The following ENTPD6 variants were observed in gnomAD, a reference collection of about 807,000 sequenced individuals.
The protein encoded by ENTPD6 is CD39 antigen-like 2.
Under a neutral mutation model 61.5 loss-of-function variants are expected in ENTPD6, and 46 were observed. That is an observed-to-expected ratio of 0.75 (90% CI 0.59 to 0.96). The LOEUF is 0.96. Among genes scored for constraint, ENTPD6 ranks in the 40% least tolerant of loss-of-function variants. ENTPD6 has a pLI of 0.00. For missense variants in ENTPD6, 612 were observed against 629.0 expected (o/e 0.97, Z 0.29); for synonymous variants, 252 against 255.5 (o/e 0.99, Z 0.13).
chr20:25,209,997 T>C, intron 4 of ENTPD6, 72 bp downstream of exon 4: 1 of 1,324,080 alleles, frequency 7.6e-7, no homozygotes. Flanking sequence ...CCTTTGAATG[T>C]GGTAGGCTGT....
Position 25,225,322 on chromosome 20 carries a change from G to C in ENTPD6, c.1356+5G>C. The C allele has an allele frequency of 6.2e-7, 1 of 1,612,566 alleles. No individual in the cohort carries two copies. The highest frequency in any genetic ancestry group is 1.3e-5 in the African/African-American group (1 of 75,000). ...CCCAGGAGCAAAGTGCTGAAGGTAAGGGTGCCCTCAGGTCACGCCCCAGCC... is the reference window on the plus strand; with the variant it reads ...CCCAGGAGCAAAGTGCTGAAGGTAACGGTGCCCTCAGGTCACGCCCCAGCC... On this transcript the variant is annotated splice_donor_5th_base_variant and intron_variant, in intron 14 of 14. Transcript: ENST00000376652.
At chr20:25,213,041 C>A (rs1012398451) in intron 4 of ENTPD6, among the ~76,000 whole-genome samples, 1 of 151,986 alleles carries the variant, frequency 6.6e-6, no homozygotes, top group Non-Finnish European at 1.5e-5. Context: ...TGGTGGCTCA[C>A]GCCCTTGTCC....
intron 13 of ENTPD6, 49 bp from the exon 14 acceptor site, chr20:25,225,156 C>A: frequency 1.3e-6 from 2 of 1,577,268 alleles, no homozygotes; most frequent in Non-Finnish European, 1.7e-6. Context: ...GCCCCTCCGC[C>A]CCCAGGTGGG....
rs2092814072 is a variant in ENTPD6, at chr20:25,227,324, C to G, written c.*1727C>G. ...GCGCCTTTACTTCCATAATATCCAC[C>G]AGCTTAAATATTTAAAGAACTCCGG... On this transcript the variant is annotated 3_prime_UTR_variant, in exon 15 of 15. Transcript: ENST00000376652. Among the ~76,000 whole-genome samples, 2 of 152,202 alleles carry G rather than the reference C, an allele frequency of 1.3e-5. No homozygotes were observed. Among genetic ancestry groups the G allele is most frequent in the Non-Finnish European group, 2.9e-5 (2 of 68,044 alleles).
At chr20:25,199,960 T>C (rs958664703) in intron 1 of ENTPD6, among the ~76,000 whole-genome samples, 3 of 152,230 alleles carry the variant, frequency 2.0e-5, no homozygotes, top group African/African-American at 4.8e-5. Flanking sequence ...TGTGTAGATA[T>C]CTCTTTAAGA....
intron 9 of ENTPD6, 51 bp downstream of exon 9, chr20:25,217,632 C>G: frequency 6.7e-7 from 1 of 1,493,482 alleles, no homozygotes; most frequent in Admixed American, 1.7e-5. Context: ...GGGTATGCAG[C>G]TCCCAGGGCC....
intron 9 of ENTPD6, among the ~76,000 whole-genome samples, chr20:25,218,319 T>C (rs1485138485): frequency 6.6e-6 from 1 of 152,208 alleles, no homozygotes; most frequent in Non-Finnish European, 1.5e-5. Flanking sequence ...CTCACCACAG[T>C]GTCTGCAGCT....
chr20:25,209,903 C>T lies in ENTPD6; in HGVS notation c.431C>T (p.Ala144Val), dbSNP rs2091835166. 21 of 1,614,098 alleles carry T rather than the reference C, an allele frequency of 1.3e-5. No homozygotes were observed. The highest frequency in any genetic ancestry group is 1.7e-5 in the Non-Finnish European group (20 of 1,179,956). ...AAAGCACTGAAGCCAGGTCTTTCTGCCTATGCTGATGATGTTGAAAAGGTA... is the reference window on the plus strand; with the variant it reads ...AAAGCACTGAAGCCAGGTCTTTCTGTCTATGCTGATGATGTTGAAAAGGTA... Reference protein sequence around the residue: ...TFKALKPGLSAYADDVEKSAQ... With the variant: ...TFKALKPGLSVYADDVEKSAQ... The change falls in exon 4 of 15, where the codon GCC becomes GTC. Residue 144 changes from alanine to valine, a missense_variant. By Grantham distance (64) the Ala-to-Val change is moderately conservative. Transcript: ENST00000376652.
At chr20:25,206,419 T>C (rs2091505018) in intron 1 of ENTPD6, 103 bp from the exon 2 acceptor site, 1 of 838,696 alleles carries the variant, frequency 1.2e-6, no homozygotes, top group South Asian at 1.5e-5. Context: ...TCATTTTGGG[T>C]ATATCGAACC....
intron 1 of ENTPD6, among the ~76,000 whole-genome samples, chr20:25,199,081 G>A (rs2122417527): frequency 6.6e-6 from 1 of 152,274 alleles, no homozygotes; most frequent in South Asian, 2.1e-4. Context: ...TTCAACAGGT[G>A]CTGGCTGAGC....
In ENTPD6 at chr20:25,216,665, G is replaced by A; in HGVS notation, c.727G>A (p.Gly243Arg). The change falls in exon 8 of 15, where the codon GGA (glycine) becomes AGA (arginine). Residue 243 changes from glycine to arginine, a missense_variant. Coordinates refer to ENST00000376652, the MANE Select transcript of ENTPD6 (RefSeq NM_001247.5). The stretch of plus-strand genomic sequence containing the variant: ...TGCTCCAGGCAGCTTGAAAACTCCA[G>A]GAGGGAGCAGCGTGGGCATGCTGGA... Reference protein sequence around the residue: ...NFLTGSLKTPGGSSVGMLDLG... With the variant: ...NFLTGSLKTPRGSSVGMLDLG... The A allele has an allele frequency of 2.5e-6, 4 of 1,606,798 alleles. No homozygotes were observed. Among genetic ancestry groups the A allele is most frequent in the African/African-American group, 1.3e-5 (1 of 74,990 alleles).
chr20:25,197,456 C>T (rs2090570296), intron 1 of ENTPD6, among the ~76,000 whole-genome samples: 1 of 152,228 alleles, frequency 6.6e-6, no homozygotes, highest in Admixed American at 6.5e-5. Flanking sequence ...CCCACCCTGT[C>T]TCTCCTTTAA....
chr20:25,201,738 T>G (rs2091045301), intron 1 of ENTPD6, among the ~76,000 whole-genome samples: 1 of 152,202 alleles, frequency 6.6e-6, no homozygotes, highest in African/African-American at 2.4e-5. Context: ...CACCTGCAGT[T>G]GAAAATCCAA....
Position 25,225,862 on chromosome 20 carries a change from C to T in ENTPD6, c.*265C>T, listed in dbSNP as rs1180241491. 2 of 407,820 alleles carry T rather than the reference C, an allele frequency of 4.9e-6. No individual in the cohort carries two copies. Among genetic ancestry groups the T allele is most frequent in the Non-Finnish European group, 8.8e-6 (2 of 227,224 alleles). 25.3% of individuals were successfully genotyped at this position (407,820 alleles called of 1,614,324 possible). A position where few individuals can be genotyped will look rare whatever the true frequency, so the allele number is the denominator to read the frequency against. On this transcript the variant is annotated 3_prime_UTR_variant, in exon 15 of 15. Coordinates refer to ENST00000376652, the MANE Select transcript of ENTPD6 (RefSeq NM_001247.5). ...CAAGTGGGCAGGACCAGGACAGAAC[C>T]ACAGGCACACACTGAGGGGGCAGTG...
chr20:25,221,353 C>T lies in ENTPD6; in HGVS notation c.1045+20C>T, dbSNP rs1467089714. On this transcript the variant is annotated intron_variant, in intron 11 of 14. Transcript: ENST00000376652. ...AAGCAGGTACGGGGAGGGTTGCTGC[C>T]TGTTGGTTTCTGCGGGTGAGAGTGG... is the stretch of plus-strand genomic sequence containing the variant. The T allele has an allele frequency of 1.3e-6, 2 of 1,591,250 alleles. No individual in the cohort carries two copies. The highest frequency in any genetic ancestry group is 2.2e-5 in the East Asian group (1 of 44,744).
Position 25,225,819 on chromosome 20 carries a change from A to T in ENTPD6, c.*222A>T. The T allele has an allele frequency of 9.6e-6, 5 of 520,024 alleles. No individual in the cohort carries two copies. The East Asian group carries it at 1.3e-4, about 13-fold the overall frequency. The allele number at this position is 520,024 out of a possible 1,614,324, so 32.2% of individuals were successfully genotyped here. A position where few individuals can be genotyped will look rare whatever the true frequency, so the allele number is the denominator to read the frequency against. On this transcript the variant is annotated 3_prime_UTR_variant, in exon 15 of 15. Coordinates refer to ENST00000376652, the MANE Select transcript of ENTPD6 (RefSeq NM_001247.5). ...CTGGACCTGGGCCCTGCTCAATGCC[A>T]CCTGTCTGCCTGGGCTCCAAGTGGG...
chr20:25,223,859 C>T (rs6050458), intron 12 of ENTPD6: 19,123 of 370,576 alleles, frequency 0.052, 2,824 homozygotes, highest in African/African-American at 0.34. Flanking sequence ...TGAGCTTTCT[C>T]GGGGGACACT....
chr20:25,221,741 C>T, intron 11 of ENTPD6: 1 of 325,522 alleles, frequency 3.1e-6, no homozygotes, highest in South Asian at 2.6e-5. Flanking sequence ...AGCCCGCTGG[C>T]CCTGGGCAGG....
intron 10 of ENTPD6, among the ~76,000 whole-genome samples, 188 bp from the exon 11 acceptor site, chr20:25,221,044 G>T (rs903423819): frequency 6.6e-6 from 1 of 152,216 alleles, no homozygotes; most frequent in South Asian, 2.1e-4. Context: ...TCCTGGTAGC[G>T]GTGTGCTTCC....
Sources: gnomAD v4.1 joint callset for allele counts (sites outside exome capture counted in the v4.1 genomes callset) on GRCh38, gnomAD v4.1.1 for gene constraint, MANE v1.5 for transcripts, NCBI Gene and HGNC (gene_info 2026-07-23, HGNC 2026-07-21) for gene names.